Variants in ALG6 observed in about 807,000 individuals in gnomAD.
ALG6 encodes the protein dolichyl pyrophosphate Man9GlcNAc2 alpha-1,3-glucosyltransferase.
Under a neutral mutation model 66.6 loss-of-function variants are expected in ALG6, and 46 were observed. That is an observed-to-expected ratio of 0.69 (90% CI 0.55 to 0.88). The LOEUF (loss-of-function observed/expected upper bound fraction) is 0.88, where lower values mean the gene tolerates loss of function less well. Ranked by LOEUF, ALG6 falls within the 40% of genes least tolerant of loss-of-function variation. The pLI is 0.00. For missense variants in ALG6, 505 were observed against 586.8 expected, an observed-to-expected ratio of 0.86 and a Z score of 1.44; for synonymous variants, 185 against 203.7, an observed-to-expected ratio of 0.91 and a Z score of 0.78.
rs1016034271 is a variant in ALG6 at position 63,437,240 on chromosome 1, CAT to C, written c.*221_*222del. 1.9e-5 allele frequency: 9 copies of C among 485,570 alleles called. No individual in the cohort carries two copies. The East Asian group carries it at 2.3e-4, about 13-fold the overall frequency. The allele number at this position is 485,570 out of a possible 1,614,324, so 30.1% of individuals were successfully genotyped here. A position where few individuals can be genotyped will look rare whatever the true frequency, so the allele number is the denominator to read the frequency against. On this transcript the variant is annotated 3_prime_UTR_variant, in exon 15 of 15. Coordinates refer to ENST00000263440, the MANE Select transcript of ALG6 (RefSeq NM_013339.4). ...TTGTCTAAGTACTGCTTGGCCAAAA[CAT>C]GTGGTTTTATTATTCACAGCTATTC...
At chr1:63,400,680 A>G (rs982116924) in intron 3 of ALG6, among the ~76,000 whole-genome samples, 2 of 152,100 alleles carry the variant, frequency 1.3e-5, no homozygotes, top group African/African-American at 4.8e-5. Context: ...GTCTATTTTC[A>G]GAAGCTGAAA....
chr1:63,374,760 A>C (rs1431857854), intron 2 of ALG6, among the ~76,000 whole-genome samples: 1 of 152,230 alleles, frequency 6.6e-6, no homozygotes, highest in Non-Finnish European at 1.5e-5. Flanking sequence ...ACATCAGATC[A>C]TTTAGCCCTA....
intron 2 of ALG6, among the ~76,000 whole-genome samples, chr1:63,386,798 G>T (rs1648517503): frequency 1.3e-5 from 2 of 151,784 alleles, no homozygotes; most frequent in South Asian, 2.1e-4. Context: ...GTTTATTTCT[G>T]CTCTGATCTT....
intron 2 of ALG6, among the ~76,000 whole-genome samples, chr1:63,384,340 T>C (rs566782727): frequency 1.3e-5 from 2 of 152,336 alleles, no homozygotes; most frequent in Non-Finnish European, 2.9e-5. Flanking sequence ...AATTGGGTTA[T>C]TTAATTTTTT....
chr1:63,377,352 T>G (rs1229999018), intron 2 of ALG6, among the ~76,000 whole-genome samples: 2 of 152,340 alleles, frequency 1.3e-5, no homozygotes, highest in East Asian at 3.9e-4. Flanking sequence ...ATAGCCATAA[T>G]AGTTTTCTTT....
intron 14 of ALG6, among the ~76,000 whole-genome samples, chr1:63,436,153 T>G (rs564900301): frequency 2.6e-5 from 4 of 152,152 alleles, no homozygotes; most frequent in Non-Finnish European, 5.9e-5. Context: ...AAGGTTAGCT[T>G]AGAATTTTAA....
intron 2 of ALG6, 122 bp from the exon 3 acceptor site, chr1:63,396,391 A>G: frequency 1.2e-6 from 1 of 807,492 alleles, no homozygotes; most frequent in Non-Finnish European, 2.1e-6. Context: ...TTTCTCGGTA[A>G]CTCCTGTGTT....
intron 14 of ALG6, 41 bp downstream of exon 14, chr1:63,429,167 T>G (rs1557597680): frequency 7.0e-7 from 1 of 1,422,784 alleles, no homozygotes; most frequent in South Asian, 1.2e-5. Flanking sequence ...TTTCAGCATG[T>G]CACTATTTTA....
At chr1:63,414,775 AC>A (rs1313665182) in intron 10 of ALG6, among the ~76,000 whole-genome samples, 1 of 152,124 alleles carries the variant, frequency 6.6e-6, no homozygotes, top group Non-Finnish European at 1.5e-5. Flanking sequence ...ATCACTGTGT[AC>A]TGTGTGTGTG....
At chr1:63,436,501 A>C (rs146515039) in intron 14 of ALG6, among the ~76,000 whole-genome samples, 66 of 152,288 alleles carry the variant, frequency 4.3e-4, no homozygotes, top group African/African-American at 1.5e-3. Flanking sequence ...TATTTGTCCC[A>C]GATACCTTTG....
At chr1:63,426,755 G>T (rs1208348496) in intron 12 of ALG6, among the ~76,000 whole-genome samples, 1 of 151,896 alleles carries the variant, frequency 6.6e-6, no homozygotes, top group Non-Finnish European at 1.5e-5. Context: ...TATTCTCTAG[G>T]CTGGTCTTGA....
At chr1:63,416,427 CAGAA>C (rs939583634) in intron 11 of ALG6, among the ~76,000 whole-genome samples, 2 of 151,476 alleles carry the variant, frequency 1.3e-5, no homozygotes, top group African/African-American at 4.9e-5. Context: ...AAGTTCAAAA[CAGAA>C]GGAAGAAGTT....
At chr1:63,400,984 T>C (rs1644462317) in intron 3 of ALG6, among the ~76,000 whole-genome samples, 2 of 151,920 alleles carry the variant, frequency 1.3e-5, no homozygotes, top group Admixed American at 1.3e-4. Flanking sequence ...CTCCATTATT[T>C]GCCTGGCCCG....
At chr1:63,386,232 A>G (rs1648498612) in intron 2 of ALG6, among the ~76,000 whole-genome samples, 1 of 150,682 alleles carries the variant, frequency 6.6e-6, no homozygotes, top group African/African-American at 2.4e-5. Context: ...TTTGTTGTGG[A>G]TTTTTGCATC....
intron 2 of ALG6, among the ~76,000 whole-genome samples, chr1:63,394,432 T>C (rs890653748): frequency 6.6e-6 from 1 of 150,896 alleles, no homozygotes; most frequent in African/African-American, 2.4e-5. Flanking sequence ...CAGGCTGGAG[T>C]GCAGTGGCGC....
intron 2 of ALG6, among the ~76,000 whole-genome samples, chr1:63,383,406 C>T (rs1374751356): frequency 6.6e-6 from 1 of 152,044 alleles, no homozygotes; most frequent in Non-Finnish European, 1.5e-5. Context: ...GCATGAGGTA[C>T]CGTGCCTGGC....
chr1:63,403,534 A>G lies in ALG6; in HGVS notation c.258-919A>G, dbSNP rs17124928. Among the ~76,000 whole-genome samples the G allele has an allele frequency of 9.6e-3, 1,465 of 152,264 alleles. 22 individuals are homozygous for G. The highest frequency in any genetic ancestry group is 0.033 in the African/African-American group (1,353 of 41,550). On this transcript the variant is annotated intron_variant, in intron 4 of 14. Coordinates refer to ENST00000263440, the MANE Select transcript of ALG6 (RefSeq NM_013339.4). ...CAAAAATTTGAGGAACCTCTTCACA[A>G]TATCTCGTGAACTCATCTTGTTTAA...
At chr1:63,383,842 A>C (rs1019085129) in intron 2 of ALG6, among the ~76,000 whole-genome samples, 1 of 152,136 alleles carries the variant, frequency 6.6e-6, no homozygotes, top group Non-Finnish European at 1.5e-5. Context: ...AGCCTCTGGT[A>C]ACCATAATTC....
chr1:63,393,906 A>C (rs1373098863), intron 2 of ALG6, among the ~76,000 whole-genome samples: 1 of 152,192 alleles, frequency 6.6e-6, no homozygotes, highest in South Asian at 2.1e-4. Flanking sequence ...TAGAAAACTT[A>C]TTAAGTTTCT....
Sources: gnomAD v4.1 joint callset for allele counts (sites outside exome capture counted in the v4.1 genomes callset) on GRCh38, gnomAD v4.1.1 for gene constraint, MANE v1.5 for transcripts, NCBI Gene and HGNC (gene_info 2026-07-23, HGNC 2026-07-21) for gene names.